PKHD1L1: variants seen among roughly 807,000 people sequenced by gnomAD.
PKHD1L1 encodes the protein fibrocystin-L.
A neutral mutation model predicts 462.9 loss-of-function variants in PKHD1L1; 434 were observed. That is an observed-to-expected ratio of 0.94 (90% CI 0.87 to 1.02). The LOEUF (loss-of-function observed/expected upper bound fraction) is 1.02, where lower values mean the gene tolerates loss of function less well. Ranked by LOEUF, PKHD1L1 falls within the 50% of genes least tolerant of loss-of-function variation. PKHD1L1 has a pLI of 0.00. For synonymous variants in PKHD1L1, 1,781 were observed against 1,750.0 expected (o/e 1.02, Z -0.44); for missense variants, 5,202 against 5,096.1 (o/e 1.02, Z -0.63).
chr8:109,401,341 T>C (rs1482539168), intron 13 of PKHD1L1, among the ~76,000 whole-genome samples, 156 bp from the exon 14 acceptor site: 5 of 152,240 alleles, frequency 3.3e-5, no homozygotes. Context: ...TATAGCATAG[T>C]AGATAACAGA....
chr8:109,364,564 C>T lies in PKHD1L1; in HGVS notation c.91C>T (p.Pro31Ser). ...TTTTTCAGATGGCTCTCAAATAATC[C>T]CCAAAGTCACAGAAATAATACCTAA... ...DPSTDGSQIIPKVTEIIPKYG... is the reference protein window; with the variant it reads ...DPSTDGSQIISKVTEIIPKYG... Residue 31 changes from proline to serine, a missense_variant, in exon 2 of 78, where the codon CCC becomes TCC. Pro to Ser is a moderately conservative substitution (Grantham distance 74). Around this residue, in one of 3 missense-constraint regions of PKHD1L1, gnomAD observed 4,497 missense variants for 4,336.8 expected, o/e 1.04. Transcript: ENST00000378402. The T allele has an allele frequency of 6.3e-7, 1 of 1,598,948 alleles. No homozygotes were observed. Among genetic ancestry groups the T allele is most frequent in the Admixed American group, 1.7e-5 (1 of 59,460 alleles).
rs577279301 is a variant in PKHD1L1 at position 109,415,844 on chromosome 8, T to C, written c.2360+2299T>C. On this transcript the variant is annotated intron_variant, in intron 21 of 77. Coordinates refer to ENST00000378402, the MANE Select transcript of PKHD1L1 (RefSeq NM_177531.6). ...GCCTGGGTGACAGAATGAGACCTTG[T>C]CTTAAAAAAAAAAAAAAGGGGTGTG... Among the ~76,000 whole-genome samples the C allele has an allele frequency of 2.4e-4, 29 of 122,760 alleles. No homozygotes were observed. In the Admixed American group the frequency reaches 2.7e-3, roughly 11 times the overall value. 80.5% of individuals were successfully genotyped at this position (122,760 alleles called of 152,430 possible). A position where few individuals can be genotyped will look rare whatever the true frequency, so the allele number is the denominator to read the frequency against.
Position 109,530,997 on chromosome 8 carries a change from C to T in PKHD1L1, c.*907C>T, listed in dbSNP as rs2131061538. Among the ~76,000 whole-genome samples the T allele has an allele frequency of 6.6e-6, 1 of 152,322 alleles. No individual in the cohort carries two copies. Among genetic ancestry groups the T allele is most frequent in the East Asian group, 1.9e-4 (1 of 5,182 alleles). On this transcript the variant is annotated 3_prime_UTR_variant, in exon 78 of 78. Coordinates refer to ENST00000378402, the MANE Select transcript of PKHD1L1 (RefSeq NM_177531.6). The stretch of plus-strand genomic sequence containing the variant: ...AAGGTAGCTAAGTTAACCGAACTCT[C>T]TAACAGTATTGAAAATAGCAATTCT...
rs552552777 is a variant in PKHD1L1 at position 109,439,662 on chromosome 8, G to C, written c.3956+570G>C. ...GTGGCCATCTGAAGGAGATGATGCAGAGAGTCTTTCTCCAACTCAGTTTTC... is the reference window on the plus strand; with the variant it reads ...GTGGCCATCTGAAGGAGATGATGCACAGAGTCTTTCTCCAACTCAGTTTTC... On this transcript the variant is annotated intron_variant, in intron 32 of 77. Coordinates refer to ENST00000378402, the MANE Select transcript of PKHD1L1 (RefSeq NM_177531.6). Among the ~76,000 whole-genome samples the C allele has an allele frequency of 2.0e-5, 3 of 152,194 alleles. No individual in the cohort carries two copies. The East Asian group carries it at 5.8e-4, about 29-fold the overall frequency.
intron 14 of PKHD1L1, among the ~76,000 whole-genome samples, chr8:109,404,061 G>A (rs1474714416): frequency 2.0e-5 from 3 of 152,106 alleles, no homozygotes; most frequent in Non-Finnish European, 1.5e-5. Context: ...GTTTCCTGAG[G>A]CAATGTTTTA....
chr8:109,530,294 T>G lies in PKHD1L1; in HGVS notation c.*204T>G. On this transcript the variant is annotated 3_prime_UTR_variant, in exon 78 of 78. Coordinates refer to ENST00000378402, the MANE Select transcript of PKHD1L1 (RefSeq NM_177531.6). ...GTTTTGATTCTTTATATTTATATGTTTTTATTTCATTTCAATAAACTTCCA... is the reference window on the plus strand; with the variant it reads ...GTTTTGATTCTTTATATTTATATGTGTTTATTTCATTTCAATAAACTTCCA... The G allele has an allele frequency of 3.5e-6, 1 of 289,474 alleles. No homozygotes were observed. The highest frequency in any genetic ancestry group is 6.5e-6 in the Non-Finnish European group (1 of 154,946). The allele number at this position is 289,474 out of a possible 1,614,324, so 17.9% of individuals were successfully genotyped here.
chr8:109,421,226 T>C (rs1814447451), intron 23 of PKHD1L1, among the ~76,000 whole-genome samples: 1 of 151,938 alleles, frequency 6.6e-6, no homozygotes, highest in South Asian at 2.1e-4. Context: ...AATGAGTTAA[T>C]ATAATTTCCT....
chr8:109,510,351 T>C (rs1355236375), intron 70 of PKHD1L1, among the ~76,000 whole-genome samples: 2 of 152,174 alleles, frequency 1.3e-5, no homozygotes, highest in Non-Finnish European at 2.9e-5. Context: ...ACAAAGAGCC[T>C]GAGAAAGTTC....
In PKHD1L1 at chr8:109,459,600, G is replaced by C; in HGVS notation, c.7010G>C (p.Ser2337Thr). ...TTTTGTCAAAATTTTTACAGACACAGTCAAGGAGAGAATGAAAAAATGACC... is the reference window on the plus strand; with the variant it reads ...TTTTGTCAAAATTTTTACAGACACACTCAAGGAGAGAATGAAAAAATGACC... ...IVIASTGHRH[S>T]QGENEKMTIA... The change falls in exon 47 of 78, where the codon AGT (serine) becomes ACT (threonine). Residue 2337 changes from serine to threonine, a missense_variant. Physicochemically the swap from Ser to Thr is moderately conservative, Grantham distance 58 (BLOSUM62 1). Coordinates refer to ENST00000378402, the MANE Select transcript of PKHD1L1 (RefSeq NM_177531.6). 1.9e-6 allele frequency: 3 copies of C among 1,553,174 alleles called. No homozygotes were observed. The highest frequency in any genetic ancestry group is 2.6e-6 in the Non-Finnish European group (3 of 1,148,054).
chr8:109,491,585 T>C (rs1041768337), intron 61 of PKHD1L1, among the ~76,000 whole-genome samples: 9 of 151,896 alleles, frequency 5.9e-5, no homozygotes, highest in African/African-American at 1.2e-4. Flanking sequence ...ATTTAATGTA[T>C]ATGAAAGCTG....
At position 109,456,519 on chromosome 8, in the gene PKHD1L1, A is replaced by C. The variant is rs993282007; in HGVS notation, c.7004+128A>C. 2.1e-5 allele frequency: 18 copies of C among 857,884 alleles called. No individual in the cohort carries two copies. In the African/African-American group the frequency reaches 2.6e-4, roughly 12 times the overall value. The allele number at this position is 857,884 out of a possible 1,614,324, so 53.1% of individuals were successfully genotyped here. On this transcript the variant is annotated intron_variant, in intron 46 of 77. Coordinates refer to ENST00000378402, the MANE Select transcript of PKHD1L1 (RefSeq NM_177531.6). ...TGAAATCTCTAATAAAGAAATATGA[A>C]CAGCCAAATACAGATTTGCCAAGTG...
chr8:109,473,783 C>A (rs1420540341), intron 50 of PKHD1L1, among the ~76,000 whole-genome samples: 1 of 152,106 alleles, frequency 6.6e-6, no homozygotes, highest in Non-Finnish European at 1.5e-5. Context: ...TAAGGCTTTG[C>A]TTCTCCCCAA....
chr8:109,394,197 A>G (rs11782983), intron 9 of PKHD1L1, among the ~76,000 whole-genome samples: 19,591 of 135,688 alleles, frequency 0.14, 1,895 homozygotes, highest in South Asian at 0.25. Context: ...AAAAAAAAAA[A>G]GAAATCAACT....
intron 35 of PKHD1L1, 133 bp from the exon 36 acceptor site, chr8:109,442,812 AT>A: frequency 1.2e-6 from 1 of 817,326 alleles, no homozygotes; most frequent in Non-Finnish European, 1.9e-6. Context: ...TTCTGTTGAC[AT>A]TTCATACACA....
Position 109,443,029 on chromosome 8 carries a change from C to T in PKHD1L1, c.4477C>T (p.Gln1493Ter). The change falls in exon 36 of 78, where the codon CAA becomes TAA. Residue 1493 changes from glutamine (Q) to a stop codon, truncating the protein, a stop_gained. Transcript: ENST00000378402. LOFTEE classifies it high-confidence loss of function. ...YVDEAHSIFL[Q>*]GVINVLPAET... The stretch of plus-strand genomic sequence containing the variant: ...TGATGAGGCTCACTCCATTTTTCTC[C>T]AAGGAGTCATTAATGTTTTACCAGC... The T allele has an allele frequency of 6.2e-7, 1 of 1,613,610 alleles. No homozygotes were observed. The highest frequency in any genetic ancestry group is 8.5e-7 in the Non-Finnish European group (1 of 1,179,622).
Position 109,491,206 on chromosome 8 carries a change from A to G in PKHD1L1, c.10114+105A>G, listed in dbSNP as rs1818807910. ...AATTGATCTTTCTGTGAGGATGGAA[A>G]TGGTCTATATTTCTGCTGTCTAATA... is the stretch of plus-strand genomic sequence containing the variant. On this transcript the variant is annotated intron_variant, in intron 61 of 77. Coordinates refer to ENST00000378402, the MANE Select transcript of PKHD1L1 (RefSeq NM_177531.6). 4.2e-6 allele frequency: 5 copies of G among 1,204,816 alleles called. No individual in the cohort carries two copies. The Admixed American group carries it at 9.5e-5, about 23-fold the overall frequency. The allele number at this position is 1,204,816 out of a possible 1,614,324, so 74.6% of individuals were successfully genotyped here.
Position 109,448,228 on chromosome 8 carries a change from G to T in PKHD1L1, c.5862G>T (p.Gln1954His). Reference protein sequence around the residue: ...LEISVMINNIQCNVTMANDSV... With the variant: ...LEISVMINNIHCNVTMANDSV... ...TCTCCGTGATGATAAATAACATTCA[G>T]TGTAATGTAACCATGGCCAATGATA... The change falls in exon 39 of 78, where the codon CAG becomes CAT. Residue 1954 changes from glutamine (Q) to histidine (H), a missense_variant. Around this residue, in one of 3 missense-constraint regions of PKHD1L1, gnomAD observed 4,497 missense variants for 4,336.8 expected, o/e 1.04. Coordinates refer to ENST00000378402, the MANE Select transcript of PKHD1L1 (RefSeq NM_177531.6). The T allele has an allele frequency of 3.7e-6, 6 of 1,613,200 alleles. No individual in the cohort carries two copies. Among genetic ancestry groups the T allele is most frequent in the Non-Finnish European group, 5.1e-6 (6 of 1,179,686 alleles).
At chr8:109,408,286 G>A in intron 18 of PKHD1L1, 80 bp downstream of exon 18, 2 of 1,281,258 alleles carry the variant, frequency 1.6e-6, no homozygotes, top group Non-Finnish European at 1.0e-6. Flanking sequence ...AGACAGATGG[G>A]AAAGAGATGT....
intron 52 of PKHD1L1, 113 bp from the exon 53 acceptor site, chr8:109,477,112 A>G: frequency 1.1e-6 from 1 of 946,516 alleles, no homozygotes; most frequent in Non-Finnish European, 1.6e-6. Context: ...CATACATGTG[A>G]ATTATAATTC....
Sources: gnomAD v4.1 joint callset for allele counts (sites outside exome capture counted in the v4.1 genomes callset) on GRCh38, gnomAD v4.1.1 for gene constraint, gnomAD v4.1.1 regional missense constraint, MANE v1.5 for transcripts, NCBI Gene and HGNC (gene_info 2026-07-23, HGNC 2026-07-21) for gene names.